Variants in KCNQ1OT1 observed in about 807,000 individuals in gnomAD.
KCNQ1OT1 encodes the protein KCNQ1 opposite strand/antisense transcript 1.
chr11:2,661,564 C>A lies in KCNQ1OT1; in HGVS notation n.38431G>T. 1.8e-6 allele frequency: 1 copy of A among 545,212 alleles called. No individual in the cohort carries two copies. The highest frequency in any genetic ancestry group is 3.3e-6 in the Non-Finnish European group (1 of 307,240). The allele number at this position is 545,212 out of a possible 1,614,324, so 33.8% of individuals were successfully genotyped here. A position where few individuals can be genotyped will look rare whatever the true frequency, so the allele number is the denominator to read the frequency against. Reference sequence around the variant, plus strand: ...CTACTCTGTCAATGTATGAGTGTGACAATGTATGGTGGTGGGAGCTGTTGT... The same window carrying A: ...CTACTCTGTCAATGTATGAGTGTGAAAATGTATGGTGGTGGGAGCTGTTGT... On this transcript the variant is annotated non_coding_transcript_exon_variant, in exon 1 of 1. Coordinates refer to ENST00000597346, the Ensembl canonical transcript of KCNQ1OT1. This position sits in a 1 kb window ranked among gnomAD's most constrained non-coding sequence, Gnocchi z 5.9.
In KCNQ1OT1 at chr11:2,612,613, A is replaced by G; in HGVS notation, n.87382T>C. The G allele has an allele frequency of 2.5e-6, 1 of 398,432 alleles. No individual in the cohort carries two copies. Among genetic ancestry groups the G allele is most frequent in the Non-Finnish European group, 4.4e-6 (1 of 226,040 alleles). The allele number at this position is 398,432 out of a possible 1,614,324, so 24.7% of individuals were successfully genotyped here. On this transcript the variant is annotated non_coding_transcript_exon_variant, in exon 1 of 1. Coordinates refer to ENST00000597346, the Ensembl canonical transcript of KCNQ1OT1. This position sits in a 1 kb window ranked among gnomAD's most constrained non-coding sequence, Gnocchi z 5.5. The stretch of plus-strand genomic sequence containing the variant: ...GTTTCTAATTTCTATCTCTATATTG[A>G]TATTATCTATTTGATGAGTCTTTGT...
rs986199825 is a variant in KCNQ1OT1, at chr11:2,612,913, C to T, written n.87082G>A. 12 of 398,560 alleles carry T rather than the reference C, an allele frequency of 3.0e-5. No individual in the cohort carries two copies. In the South Asian group the frequency reaches 5.1e-4, roughly 17 times the overall value. The allele number at this position is 398,560 out of a possible 1,614,324, so 24.7% of individuals were successfully genotyped here. A position where few individuals can be genotyped will look rare whatever the true frequency, so the allele number is the denominator to read the frequency against. On this transcript the variant is annotated non_coding_transcript_exon_variant, in exon 1 of 1. Transcript: ENST00000597346. This position sits in a 1 kb window ranked among gnomAD's most constrained non-coding sequence, Gnocchi z 5.5. ...TCTGTTACTCATTTATTTGTTTGCT[C>T]GCTTGTGTATGCCTTCTCTGCATGG...
exon 1 of KCNQ1OT1, chr11:2,697,789 C>T (rs984657990): frequency 3.5e-5 from 14 of 398,520 alleles, no homozygotes; most frequent in Non-Finnish European, 6.2e-5. Context: ...CAAGGAACTT[C>T]TGCATCTACA....
At chr11:2,688,868 A>G in exon 1 of KCNQ1OT1, 1 of 399,018 alleles carries the variant, frequency 2.5e-6, no homozygotes, top group Non-Finnish European at 4.4e-6. Flanking sequence ...GCCAGAGGTC[A>G]TGCAGCAAGG....
chr11:2,698,877 C>A lies in KCNQ1OT1; in HGVS notation n.1118G>T. ...AGACCCGGACTGACTGGGACCCCAA[C>A]TACTCAGATCCCAACTCAGGCAAAC... is the stretch of plus-strand genomic sequence containing the variant. On this transcript the variant is annotated non_coding_transcript_exon_variant, in exon 1 of 1. Transcript: ENST00000597346. The surrounding 1 kb of genome is among the most constrained non-coding windows in gnomAD (Gnocchi z 5.1). The A allele has an allele frequency of 2.5e-6, 1 of 398,814 alleles. No homozygotes were observed. The highest frequency in any genetic ancestry group is 4.4e-6 in the Non-Finnish European group (1 of 226,200). The allele number at this position is 398,814 out of a possible 1,614,324, so 24.7% of individuals were successfully genotyped here.
Position 2,642,137 on chromosome 11 carries a change from T to G in KCNQ1OT1, n.57858A>C. On this transcript the variant is annotated non_coding_transcript_exon_variant, in exon 1 of 1. Coordinates refer to ENST00000597346, the Ensembl canonical transcript of KCNQ1OT1. This position sits in a 1 kb window ranked among gnomAD's most constrained non-coding sequence, Gnocchi z 4.3. The stretch of plus-strand genomic sequence containing the variant: ...TTGGTTCCATCTGAATTTTAGGATT[T>G]TTTCTATTTCCATGAAAAATGGCAT... 1 of 398,458 alleles carries G rather than the reference T, an allele frequency of 2.5e-6. No individual in the cohort carries two copies. Among genetic ancestry groups the G allele is most frequent in the Non-Finnish European group, 4.4e-6 (1 of 225,962 alleles). The allele number at this position is 398,458 out of a possible 1,614,324, so 24.7% of individuals were successfully genotyped here. A position where few individuals can be genotyped will look rare whatever the true frequency, so the allele number is the denominator to read the frequency against.
At chr11:2,693,839 A>AGGC in exon 1 of KCNQ1OT1, 1 of 398,876 alleles carries the variant, frequency 2.5e-6, no homozygotes, top group Non-Finnish European at 4.4e-6. Flanking sequence ...GCAGTATTAG[A>AGGC]GGCCACCCCT....
exon 1 of KCNQ1OT1, chr11:2,638,480 T>G (rs1293327827): frequency 6.6e-6 from 1 of 152,240 alleles, no homozygotes; most frequent in African/African-American, 2.4e-5. Context: ...AATTCTTTTC[T>G]TTAAGAATGT....
Position 2,627,107 on chromosome 11 carries a change from G to C in KCNQ1OT1, n.72888C>G. 2.5e-6 allele frequency: 1 copy of C among 398,360 alleles called. No individual in the cohort carries two copies. The highest frequency in any genetic ancestry group is 1.3e-4 in the South Asian group (1 of 7,844). The allele number at this position is 398,360 out of a possible 1,614,324, so 24.7% of individuals were successfully genotyped here. On this transcript the variant is annotated non_coding_transcript_exon_variant, in exon 1 of 1. Coordinates refer to ENST00000597346, the Ensembl canonical transcript of KCNQ1OT1. This position sits in a 1 kb window ranked among gnomAD's most constrained non-coding sequence, Gnocchi z 4.9. ...CTTTAATTTCTTTCAGCATTGTTTT[G>C]TAATTTTCATTGTACAAGACTTTCA...
chr11:2,617,756 A>G lies in KCNQ1OT1; in HGVS notation n.82239T>C. The G allele has an allele frequency of 2.5e-6, 1 of 398,442 alleles. No individual in the cohort carries two copies. 24.7% of individuals were successfully genotyped at this position (398,442 alleles called of 1,614,324 possible). ...GAGTGTGAGGTGATATCGCATAGTA[A>G]TTTTGATTTGCATTTCCCTGACGAT... On this transcript the variant is annotated non_coding_transcript_exon_variant, in exon 1 of 1. Coordinates refer to ENST00000597346, the Ensembl canonical transcript of KCNQ1OT1. The surrounding 1 kb of genome is among the most constrained non-coding windows in gnomAD (Gnocchi z 4.6).
rs1850589032 is a variant in KCNQ1OT1, at chr11:2,691,611, C to T, written n.8384G>A. 2 of 398,568 alleles carry T rather than the reference C, an allele frequency of 5.0e-6. No individual in the cohort carries two copies. The highest frequency in any genetic ancestry group is 3.6e-5 in the East Asian group (1 of 28,064). 24.7% of individuals were successfully genotyped at this position (398,568 alleles called of 1,614,324 possible). A position where few individuals can be genotyped will look rare whatever the true frequency, so the allele number is the denominator to read the frequency against. On this transcript the variant is annotated non_coding_transcript_exon_variant, in exon 1 of 1. Transcript: ENST00000597346. The surrounding 1 kb of genome is among the most constrained non-coding windows in gnomAD (Gnocchi z 6.4). ...CCTGAGGGAGTCAACCTAGCTTGTT[C>T]CCTGCACGTACTGTGGGGAGGTCCT... is the stretch of plus-strand genomic sequence containing the variant.
At chr11:2,665,506 C>T (rs943879757) in exon 1 of KCNQ1OT1, 16 of 394,694 alleles carry the variant, frequency 4.1e-5, no homozygotes, top group East Asian at 2.1e-4. Context: ...CTGTGCCTTG[C>T]GTGTGGTAAC....
chr11:2,691,558 T>G lies in KCNQ1OT1; in HGVS notation n.8437A>C, dbSNP rs1376711493. On this transcript the variant is annotated non_coding_transcript_exon_variant, in exon 1 of 1. Coordinates refer to ENST00000597346, the Ensembl canonical transcript of KCNQ1OT1. This position sits in a 1 kb window ranked among gnomAD's most constrained non-coding sequence, Gnocchi z 6.4. Reference sequence around the variant, plus strand: ...GGGGGATTTCTCTATCCTGAGGTTATGAAATACCTCAGCAAGGACGAGGCC... The same window carrying G: ...GGGGGATTTCTCTATCCTGAGGTTAGGAAATACCTCAGCAAGGACGAGGCC... 2 of 398,496 alleles carry G rather than the reference T, an allele frequency of 5.0e-6. No homozygotes were observed. Among genetic ancestry groups the G allele is most frequent in the Non-Finnish European group, 8.8e-6 (2 of 226,068 alleles). 24.7% of individuals were successfully genotyped at this position (398,496 alleles called of 1,614,324 possible). A position where few individuals can be genotyped will look rare whatever the true frequency, so the allele number is the denominator to read the frequency against.
At chr11:2,666,491 C>T in exon 1 of KCNQ1OT1, 1 of 398,678 alleles carries the variant, frequency 2.5e-6, no homozygotes, top group Non-Finnish European at 4.4e-6. Context: ...ATTCGAGTTG[C>T]TCTTTTCCAG....
In KCNQ1OT1 at chr11:2,668,819, T is replaced by C; in HGVS notation, n.31176A>G. On this transcript the variant is annotated non_coding_transcript_exon_variant, in exon 1 of 1. Transcript: ENST00000597346. The surrounding 1 kb of genome is among the most constrained non-coding windows in gnomAD (Gnocchi z 4.3). The stretch of plus-strand genomic sequence containing the variant: ...CTTAATTTTCATGTGGTCCAGTTAA[T>C]CAAACATTTCCTCTCTGGATAGGGC... The C allele has an allele frequency of 2.5e-6, 1 of 398,672 alleles. No homozygotes were observed. The highest frequency in any genetic ancestry group is 4.4e-6 in the Non-Finnish European group (1 of 226,072). 24.7% of individuals were successfully genotyped at this position (398,672 alleles called of 1,614,324 possible). A position where few individuals can be genotyped will look rare whatever the true frequency, so the allele number is the denominator to read the frequency against.
At chr11:2,662,626 C>G (rs745403766) in exon 1 of KCNQ1OT1, 1 of 410,580 alleles carries the variant, frequency 2.4e-6, no homozygotes, top group Non-Finnish European at 4.3e-6. Flanking sequence ...AGGCCAATCC[C>G]CGGTGCCCGG....
chr11:2,682,674 C>G lies in KCNQ1OT1; in HGVS notation n.17321G>C, dbSNP rs554725020. The G allele has an allele frequency of 1.0e-5, 4 of 398,588 alleles. No individual in the cohort carries two copies. In the East Asian group the frequency reaches 1.4e-4, roughly 14 times the overall value. The allele number at this position is 398,588 out of a possible 1,614,324, so 24.7% of individuals were successfully genotyped here. ...AGGGCTCATGTCCACATGCTATTGT[C>G]CATAGAAGCTGGGGTCCAAAGTTGA... On this transcript the variant is annotated non_coding_transcript_exon_variant, in exon 1 of 1. Transcript: ENST00000597346. This position sits in a 1 kb window ranked among gnomAD's most constrained non-coding sequence, Gnocchi z 5.8.
At chr11:2,640,456 C>A in exon 1 of KCNQ1OT1, 1 of 398,370 alleles carries the variant, frequency 2.5e-6, no homozygotes, top group Non-Finnish European at 4.4e-6. Context: ...TGGATAACTT[C>A]TTAATTTTTT....
chr11:2,654,855 GC>G lies in KCNQ1OT1; in HGVS notation n.45139del, dbSNP rs1849815497. On this transcript the variant is annotated non_coding_transcript_exon_variant, in exon 1 of 1. Transcript: ENST00000597346. This position sits in a 1 kb window ranked among gnomAD's most constrained non-coding sequence, Gnocchi z 6.4. ...TATGTAGCCTCATGGGCAGCTCCAG[GC>G]CAGGTGGAGGGACATATTCTGGCAA... The G allele has an allele frequency of 7.5e-6, 3 of 398,450 alleles. No homozygotes were observed. Among genetic ancestry groups the G allele is most frequent in the Admixed American group, 4.4e-5 (1 of 22,718 alleles). The allele number at this position is 398,450 out of a possible 1,614,324, so 24.7% of individuals were successfully genotyped here.
Sources: allele counts gnomAD v4.1 joint callset, GRCh38; gene constraint gnomAD v4.1.1; non-coding constraint Gnocchi (gnomAD v3.1); transcripts MANE v1.5; gene names NCBI Gene and HGNC (gene_info 2026-07-23, HGNC 2026-07-21).